Variants in HIBADH observed in about 807,000 individuals in gnomAD.
HIBADH encodes 3-hydroxyisobutyrate dehydrogenase, mitochondrial.
A neutral mutation model predicts 36.1 loss-of-function variants in HIBADH; 25 were observed. The observed-to-expected ratio is 0.69, with a 90% CI of 0.50 to 0.97. The LOEUF (loss-of-function observed/expected upper bound fraction) is 0.97, where lower values mean the gene tolerates loss of function less well. HIBADH is among the 50% of genes least tolerant of loss of function. The probability of loss-of-function intolerance (pLI) is 0.00; values close to 1 mark genes in which losing one functional copy is unlikely to be tolerated. For synonymous variants in HIBADH, 160 were observed against 149.5 expected (o/e 1.07, Z -0.51); for missense variants, 421 against 418.0 (o/e 1.01, Z -0.06).
At chr7:27,655,429 T>C (rs189571699) in intron 1 of HIBADH, among the ~76,000 whole-genome samples, 1 of 152,260 alleles carries the variant, frequency 6.6e-6, no homozygotes, top group Admixed American at 6.5e-5. Context: ...GGTATATATG[T>C]GGAAGAAAAA....
chr7:27,542,177 C>T (rs139246465), intron 5 of HIBADH, among the ~76,000 whole-genome samples: 1,523 of 151,984 alleles, frequency 0.01, 8 homozygotes, highest in Non-Finnish European at 0.016. Context: ...ATTTCTAGGC[C>T]ATGTGGTTCA....
At chr7:27,538,282 G>T in intron 6 of HIBADH, 59 bp downstream of exon 6, 2 of 1,302,338 alleles carry the variant, frequency 1.5e-6, no homozygotes, top group South Asian at 1.2e-5. Flanking sequence ...TTTAACATCA[G>T]AAAATCAAAT....
intron 2 of HIBADH, among the ~76,000 whole-genome samples, chr7:27,633,033 A>G (rs755963542): frequency 3.9e-4 from 60 of 152,200 alleles, no homozygotes; most frequent in Admixed American, 7.9e-4. Flanking sequence ...CAATGACTGC[A>G]AGTACCACCA....
intron 4 of HIBADH, among the ~76,000 whole-genome samples, chr7:27,568,920 A>AT (rs1206711849): frequency 3.3e-4 from 24 of 73,230 alleles, no homozygotes; most frequent in Admixed American, 9.3e-4. Flanking sequence ...TTTTTTTCCA[A>AT]ATTTTTTTTT....
chr7:27,544,962 C>T (rs1191058854), intron 4 of HIBADH, among the ~76,000 whole-genome samples: 1 of 152,132 alleles, frequency 6.6e-6, no homozygotes, highest in Non-Finnish European at 1.5e-5. Context: ...TGTGGTAGTT[C>T]GACTCTTTCC....
chr7:27,587,351 C>T (rs1784880513), intron 4 of HIBADH, among the ~76,000 whole-genome samples: 1 of 151,982 alleles, frequency 6.6e-6, no homozygotes, highest in Non-Finnish European at 1.5e-5. Context: ...CTGCAGATTC[C>T]CCACACTTGA....
chr7:27,618,942 A>T (rs1052790712), intron 4 of HIBADH, among the ~76,000 whole-genome samples: 2 of 152,206 alleles, frequency 1.3e-5, no homozygotes, highest in South Asian at 2.1e-4. Flanking sequence ...TTAAACTTTC[A>T]TAAGAAATCT....
intron 4 of HIBADH, among the ~76,000 whole-genome samples, chr7:27,549,169 G>A (rs2128185200): frequency 6.6e-6 from 1 of 152,244 alleles, no homozygotes; most frequent in East Asian, 1.9e-4. Context: ...TAGAAAATCA[G>A]AAATAAGGAG....
chr7:27,572,588 C>T (rs1473196534), intron 4 of HIBADH, among the ~76,000 whole-genome samples: 1 of 152,166 alleles, frequency 6.6e-6, no homozygotes, highest in African/African-American at 2.4e-5. Flanking sequence ...CAACTACATA[C>T]AGCAGTCAAT....
At chr7:27,568,672 C>T (rs1055170736) in intron 4 of HIBADH, among the ~76,000 whole-genome samples, 7 of 151,990 alleles carry the variant, frequency 4.6e-5, no homozygotes, top group Non-Finnish European at 1.0e-4. Flanking sequence ...GGTTTCACCA[C>T]GTTGGCCAGG....
chr7:27,612,525 T>C (rs369308774), intron 4 of HIBADH, among the ~76,000 whole-genome samples: 1 of 151,926 alleles, frequency 6.6e-6, no homozygotes, highest in African/African-American at 2.4e-5. Flanking sequence ...GGTTTCACCA[T>C]GTTGGCCAGG....
chr7:27,527,942 T>A lies in HIBADH; in HGVS notation c.853-1570A>T, dbSNP rs866808825. Among the ~76,000 whole-genome samples the A allele has an allele frequency of 5.1e-3, 590 of 115,122 alleles. 8 individuals are homozygous for A. The highest frequency in any genetic ancestry group is 0.018 in the Middle Eastern group (4 of 218). The allele number at this position is 115,122 out of a possible 152,430, so 75.5% of individuals were successfully genotyped here. Reference sequence around the variant, plus strand: ...CGTTTTTTTTTTTTTTTTTTTTTTTTAGTAGAGACAGGGTTTCACCATGTT... The same window carrying A: ...CGTTTTTTTTTTTTTTTTTTTTTTTAAGTAGAGACAGGGTTTCACCATGTT... On this transcript the variant is annotated intron_variant, in intron 7 of 7. Transcript: ENST00000265395.
intron 4 of HIBADH, among the ~76,000 whole-genome samples, chr7:27,612,782 A>T (rs1785344689): frequency 6.7e-6 from 1 of 150,198 alleles, no homozygotes; most frequent in South Asian, 2.1e-4. Flanking sequence ...AAAAAAATTT[A>T]AAAATTAGCT....
At chr7:27,644,218 C>A (rs900459241) in intron 2 of HIBADH, among the ~76,000 whole-genome samples, 13 of 152,122 alleles carry the variant, frequency 8.5e-5, no homozygotes, top group Non-Finnish European at 1.8e-4. Flanking sequence ...GTAATCCCAG[C>A]ACTTTGGGAG....
chr7:27,587,837 C>A (rs1332607171), intron 4 of HIBADH, among the ~76,000 whole-genome samples: 3 of 152,110 alleles, frequency 2.0e-5, no homozygotes, highest in Non-Finnish European at 4.4e-5. Flanking sequence ...CCCAAGCAAC[C>A]TCATCATAAA....
intron 4 of HIBADH, among the ~76,000 whole-genome samples, chr7:27,561,652 T>C (rs767699558): frequency 5.9e-5 from 9 of 152,160 alleles, no homozygotes; most frequent in Admixed American, 1.3e-4. Flanking sequence ...CAAGTCTATA[T>C]ATTTACCAAT....
chr7:27,580,696 T>C (rs1014422551), intron 4 of HIBADH, among the ~76,000 whole-genome samples: 4 of 152,230 alleles, frequency 2.6e-5, no homozygotes, highest in African/African-American at 9.6e-5. Context: ...TATTGGATTA[T>C]GTATTGTTAC....
At chr7:27,646,985 T>C (rs1282356680) in intron 2 of HIBADH, among the ~76,000 whole-genome samples, 1 of 152,162 alleles carries the variant, frequency 6.6e-6, no homozygotes, top group Non-Finnish European at 1.5e-5. Flanking sequence ...CACAAGACAC[T>C]GCGCCCAGCC....
intron 4 of HIBADH, among the ~76,000 whole-genome samples, chr7:27,560,668 A>C (rs1784451342): frequency 6.6e-6 from 1 of 152,198 alleles, no homozygotes; most frequent in African/African-American, 2.4e-5. Context: ...AACCTTGAGA[A>C]TACTGTCTCA....
Sources: allele counts gnomAD v4.1 joint callset (sites outside exome capture counted in the v4.1 genomes callset), GRCh38; gene constraint gnomAD v4.1.1; transcripts MANE v1.5; gene names NCBI Gene and HGNC (gene_info 2026-07-23, HGNC 2026-07-21).